Variants in TNIK observed in about 807,000 individuals in gnomAD.
TNIK encodes TRAF2 and NCK interacting kinase.
TNIK carries 49 observed loss-of-function variants against 191.3 expected under a neutral mutation model. The ratio of observed to expected loss-of-function variants is 0.26; its 90% CI spans 0.20 to 0.32. The LOEUF (loss-of-function observed/expected upper bound fraction) is 0.32. Ranked by LOEUF, TNIK falls within the 10% of genes least tolerant of loss-of-function variation. TNIK has a pLI of 1.00. For missense variants in TNIK, 1,155 were observed against 1,702.3 expected, an observed-to-expected ratio of 0.68 and a Z score of 5.66; for synonymous variants, 594 against 600.9, an observed-to-expected ratio of 0.99 and a Z score of 0.17.
chr3:171,401,024 C>G (rs1720886245), intron 1 of TNIK, among the ~76,000 whole-genome samples: 1 of 152,040 alleles, frequency 6.6e-6, no homozygotes, highest in South Asian at 2.1e-4. Context: ...AAACACATAT[C>G]TAGTTGGAAG....
chr3:171,066,313 G>A lies in TNIK; in HGVS notation c.3873C>T (p.Ser1291=), dbSNP rs1718421411. 2 of 1,613,684 alleles carry A rather than the reference G, an allele frequency of 1.2e-6. No homozygotes were observed. ...EMPTSVAYIH[S]NQIMGWGEKA... is the part of the protein sequence containing the mutation. ...TCTCGCCCCAGCCCATTATCTGATT[G>A]GAATGAATGTAGGCTGTCAAAAGGA... is the stretch of plus-strand genomic sequence containing the variant. Residue 1291 remains serine (S), a synonymous_variant, in exon 32 of 33, where the codon TCC becomes TCT. Coordinates refer to ENST00000436636, the MANE Select transcript of TNIK (RefSeq NM_015028.4).
At chr3:171,218,417 C>G (rs1244422543) in intron 3 of TNIK, among the ~76,000 whole-genome samples, 4 of 152,058 alleles carry the variant, frequency 2.6e-5, no homozygotes, top group African/African-American at 7.2e-5. Flanking sequence ...AGTTTTAAAC[C>G]TAGCAATAAT....
At chr3:171,187,867 A>C (rs894963937) in intron 7 of TNIK, among the ~76,000 whole-genome samples, 1 of 152,202 alleles carries the variant, frequency 6.6e-6, no homozygotes, top group South Asian at 2.1e-4. Context: ...GTTGTCCTGT[A>C]ATGTACACAA....
chr3:171,071,505 G>A (rs769527581), intron 28 of TNIK, 182 bp from the exon 29 acceptor site: 4 of 571,110 alleles, frequency 7.0e-6, no homozygotes, highest in African/African-American at 3.8e-5. Context: ...TTCCCTTAGC[G>A]AACTTTGGTT....
At chr3:171,410,765 C>A (rs1413281534) in intron 1 of TNIK, among the ~76,000 whole-genome samples, 1 of 102,772 alleles carries the variant, frequency 9.7e-6, no homozygotes, top group Non-Finnish European at 1.7e-5. Flanking sequence ...GGCGACAGAG[C>A]AAGACTCCAT....
intron 2 of TNIK, among the ~76,000 whole-genome samples, chr3:171,266,513 A>G (rs1218188647): frequency 6.6e-6 from 1 of 152,068 alleles, no homozygotes; most frequent in Non-Finnish European, 1.5e-5. Context: ...GCACACAGAG[A>G]ATGACTGGGC....
At chr3:171,150,092 CCTT>C (rs1266178166) in intron 12 of TNIK, among the ~76,000 whole-genome samples, 2 of 152,168 alleles carry the variant, frequency 1.3e-5, no homozygotes, top group Non-Finnish European at 2.9e-5. Flanking sequence ...TTTCCTGTCT[CCTT>C]CTTGTGCCCA....
intron 13 of TNIK, 42 bp from the exon 14 acceptor site, chr3:171,139,598 A>G: frequency 6.2e-7 from 1 of 1,601,014 alleles, no homozygotes; most frequent in African/African-American, 1.3e-5. Flanking sequence ...AACAGAAAGA[A>G]AGAGAGAAAT....
chr3:171,268,491 G>A (rs1233718001), intron 2 of TNIK, among the ~76,000 whole-genome samples: 1 of 151,996 alleles, frequency 6.6e-6, no homozygotes, highest in Non-Finnish European at 1.5e-5. Context: ...GGTGTATTCA[G>A]AATTGAACCC....
At chr3:171,102,428 G>A (rs1317410880) in intron 21 of TNIK, among the ~76,000 whole-genome samples, 1 of 152,202 alleles carries the variant, frequency 6.6e-6, no homozygotes, top group East Asian at 1.9e-4. Context: ...CCTTATGGAT[G>A]TGATGATGTG....
At chr3:171,290,108 G>C (rs1203906565) in intron 2 of TNIK, among the ~76,000 whole-genome samples, 3 of 152,054 alleles carry the variant, frequency 2.0e-5, no homozygotes, top group Non-Finnish European at 4.4e-5. Context: ...GAAGAGGATG[G>C]GAAAAACAGC....
In TNIK at chr3:171,333,864, G is replaced by C. The variant is rs147396430; in HGVS notation, c.123+35756C>G. Among the ~76,000 whole-genome samples, 1,213 of 152,294 alleles carry C rather than the reference G, an allele frequency of 8.0e-3. 14 individuals carry two copies. The highest frequency in any genetic ancestry group is 0.011 in the Non-Finnish European group (773 of 68,032). ...AGCACAGGGAGCGCCTCCCGCCAAA[G>C]GCAGTTTTTTTCTCCAACTGCGTAT... On this transcript the variant is annotated intron_variant, in intron 2 of 32. Coordinates refer to ENST00000436636, the MANE Select transcript of TNIK (RefSeq NM_015028.4).
chr3:171,292,076 C>T (rs984053218), intron 2 of TNIK, among the ~76,000 whole-genome samples: 1 of 152,018 alleles, frequency 6.6e-6, no homozygotes, highest in Non-Finnish European at 1.5e-5. Context: ...TCCCTTTTGT[C>T]CCTTTTTATA....
At chr3:171,139,069 G>A (rs1730420363) in intron 14 of TNIK, among the ~76,000 whole-genome samples, 1 of 152,132 alleles carries the variant, frequency 6.6e-6, no homozygotes, top group Admixed American at 6.5e-5. Context: ...AGAGCTGATG[G>A]GTTCTTATGG....
At chr3:171,250,819 A>G (rs1746138989) in intron 2 of TNIK, among the ~76,000 whole-genome samples, 2 of 152,262 alleles carry the variant, frequency 1.3e-5, no homozygotes, top group Non-Finnish European at 2.9e-5. Flanking sequence ...ACAAACTTCC[A>G]TTATTATTCT....
intron 2 of TNIK, among the ~76,000 whole-genome samples, chr3:171,283,467 C>T (rs186517534): frequency 1.3e-5 from 2 of 152,172 alleles, no homozygotes; most frequent in Non-Finnish European, 2.9e-5. Context: ...GGTGCTAAAG[C>T]TTCCAAATAA....
chr3:171,370,063 G>C (rs772713516), intron 1 of TNIK, among the ~76,000 whole-genome samples: 4 of 152,122 alleles, frequency 2.6e-5, no homozygotes, highest in East Asian at 1.9e-4. Flanking sequence ...AATGTTCCAG[G>C]GTATTTCTCT....
At chr3:171,284,720 C>T (rs530949579) in intron 2 of TNIK, among the ~76,000 whole-genome samples, 115 of 152,282 alleles carry the variant, frequency 7.6e-4, no homozygotes, top group Non-Finnish European at 1.2e-3. Flanking sequence ...ATTTAAGGGG[C>T]CTGTCTTTTA....
intron 2 of TNIK, among the ~76,000 whole-genome samples, chr3:171,255,788 T>C (rs1746778804): frequency 6.6e-6 from 1 of 152,192 alleles, no homozygotes; most frequent in Non-Finnish European, 1.5e-5. Context: ...TGCTGCTCAG[T>C]GTTTCAGAAA....
Sources: gnomAD v4.1 joint callset for allele counts (sites outside exome capture counted in the v4.1 genomes callset) on GRCh38, gnomAD v4.1.1 for gene constraint, MANE v1.5 for transcripts, NCBI Gene and HGNC (gene_info 2026-07-23, HGNC 2026-07-21) for gene names.